Variants in MYH9 observed in about 807,000 individuals in gnomAD.
MYH9 encodes myosin heavy chain 9, also known as myosin-9.
MYH9 carries 29 observed loss-of-function variants against 241.9 expected under a neutral mutation model. The observed-to-expected ratio is 0.12, with a 90% CI of 0.09 to 0.16. The LOEUF is 0.16. MYH9 is among the 10% of genes least tolerant of loss of function. The pLI is 1.00. For missense variants in MYH9, 1,803 were observed against 2,595.5 expected (o/e 0.69, Z 6.63); for synonymous variants, 1,047 against 1,062.6 (o/e 0.99, Z 0.29).
At chr22:36,366,610 G>A (rs538582673) in intron 1 of MYH9, among the ~76,000 whole-genome samples, 13 of 152,272 alleles carry the variant, frequency 8.5e-5, no homozygotes, top group Middle Eastern at 3.4e-3. Flanking sequence ...CATCCCTGCC[G>A]ATGTGCAGGG....
At chr22:36,352,123 A>G (rs2017773660) in intron 1 of MYH9, among the ~76,000 whole-genome samples, 1 of 152,048 alleles carries the variant, frequency 6.6e-6, no homozygotes, top group African/African-American at 2.4e-5. Flanking sequence ...TCCCAGAACA[A>G]TTGTGCCTGG....
Position 36,295,409 on chromosome 22 carries a change from T to C in MYH9, c.3485+96A>G. On this transcript the variant is annotated intron_variant, in intron 26 of 40. Transcript: ENST00000216181. This position sits in a 1 kb window ranked among gnomAD's most constrained non-coding sequence, Gnocchi z 4.1. ...GTGCCTAAGAGGGCCACGGTGTGTG[T>C]GTGTGTGTGTGTGCAGAGGCCCGGG... 1 of 979,694 alleles carries C rather than the reference T, an allele frequency of 1.0e-6. No individual in the cohort carries two copies. The highest frequency in any genetic ancestry group is 1.6e-6 in the Non-Finnish European group (1 of 630,176). 60.7% of individuals were successfully genotyped at this position (979,694 alleles called of 1,614,324 possible). A position where few individuals can be genotyped will look rare whatever the true frequency, so the allele number is the denominator to read the frequency against.
chr22:36,367,815 T>C (rs1197639106), intron 1 of MYH9, among the ~76,000 whole-genome samples: 2 of 152,140 alleles, frequency 1.3e-5, no homozygotes, highest in Non-Finnish European at 2.9e-5. Flanking sequence ...GCTGCCAGAT[T>C]TGGGCCAATG....
rs370860479 is a variant in MYH9 at position 36,305,057 on chromosome 22, G to A, written c.2205C>T (p.Asp735=). 82 of 1,614,096 alleles carry A rather than the reference G, an allele frequency of 5.1e-5. No individual in the cohort carries two copies. Among genetic ancestry groups the A allele is most frequent in the East Asian group, 1.3e-4 (6 of 44,882 alleles). ...CCATGAGCACGCACGCCTGCTTCCC[G>A]TCCATGAAACCCTTGGGAATGGAGT... is the stretch of plus-strand genomic sequence containing the variant. ...TPNSIPKGFM[D]GKQACVLMIK... The change falls in exon 18 of 41, where the codon GAC becomes GAT. Residue 735 remains aspartate, a synonymous_variant. Transcript: ENST00000216181. This position sits in a 1 kb window ranked among gnomAD's most constrained non-coding sequence, Gnocchi z 4.7.
rs727504684 is a variant in MYH9 at position 36,285,697 on chromosome 22, C to G, written c.5235G>C (p.Thr1745=). The change falls in exon 37 of 41, where the codon ACG becomes ACC. Residue 1745 remains threonine (T), a synonymous_variant. Transcript: ENST00000216181. This position sits in a 1 kb window ranked among gnomAD's most constrained non-coding sequence, Gnocchi z 7.0. The part of the protein sequence containing the change: ...EEELEEEQGN[T]ELINDRLKKA... ...TCTTCAGCCGGTCGTTGATCAGCTC[C>G]GTGTTGCCCTGCTCCTCCTCCAGCT... 1 of 1,613,098 alleles carries G rather than the reference C, an allele frequency of 6.2e-7. No homozygotes were observed. Among genetic ancestry groups the G allele is most frequent in the African/African-American group, 1.3e-5 (1 of 75,030 alleles).
intron 2 of MYH9, 67 bp downstream of exon 2, chr22:36,348,837 A>AGCCCCCCCCC: frequency 3.7e-6 from 2 of 539,150 alleles, no homozygotes; most frequent in Non-Finnish European, 5.9e-6. Flanking sequence ...TGATGGGAAG[A>AGCCCCCCCCC]CCCGCCCCCC....
chr22:36,285,546 C>T lies in MYH9; in HGVS notation c.5274+112G>A, dbSNP rs752573962. The T allele has an allele frequency of 8.8e-5, 135 of 1,528,248 alleles. No individual in the cohort carries two copies. The highest frequency in any genetic ancestry group is 1.1e-4 in the Non-Finnish European group (124 of 1,126,110). 94.7% of individuals were successfully genotyped at this position (1,528,248 alleles called of 1,614,324 possible). On this transcript the variant is annotated intron_variant, in intron 37 of 40. Transcript: ENST00000216181. The surrounding 1 kb of genome is among the most constrained non-coding windows in gnomAD (Gnocchi z 7.0). ...AGGTGCCTGGACATTTTCCCCTAAG[C>T]GCCTGGGGAGCAGCTGGCACTTGGC...
At position 36,348,890 on chromosome 22, in the gene MYH9, C is replaced by A. The variant is rs768688000; in HGVS notation, c.333+14G>T. On this transcript the variant is annotated intron_variant, in intron 2 of 40. Coordinates refer to ENST00000216181, the MANE Select transcript of MYH9 (RefSeq NM_002473.6). ...CTCAGACCCAGCCTGCGGGGTGCCA[C>A]GGCAGCCACTTACGTAGATGAGCCC... is the stretch of plus-strand genomic sequence containing the variant. 1.3e-6 allele frequency: 2 copies of A among 1,538,372 alleles called. No individual in the cohort carries two copies. The highest frequency in any genetic ancestry group is 3.4e-5 in the Admixed American group (2 of 58,120).
In MYH9 at chr22:36,288,565, T is replaced by C; in HGVS notation, c.4771-152A>G. The C allele has an allele frequency of 7.4e-7, 1 of 1,350,986 alleles. No homozygotes were observed. The highest frequency in any genetic ancestry group is 1.2e-5 in the South Asian group (1 of 84,850). The allele number at this position is 1,350,986 out of a possible 1,614,324, so 83.7% of individuals were successfully genotyped here. On this transcript the variant is annotated intron_variant, in intron 33 of 40. Transcript: ENST00000216181. The surrounding 1 kb of genome is among the most constrained non-coding windows in gnomAD (Gnocchi z 4.8). ...ACTGACCATAAGAACTCTAAGAAAG[T>C]GAGTCACTGAACCCCGAGACAGGAG...
intron 1 of MYH9, among the ~76,000 whole-genome samples, chr22:36,366,553 G>A (rs1603484421): frequency 6.6e-6 from 1 of 152,198 alleles, no homozygotes; most frequent in Admixed American, 6.5e-5. Flanking sequence ...AGCCTCAGAG[G>A]CTCAGGGAGG....
chr22:36,377,555 A>G (rs2146423266), intron 1 of MYH9, among the ~76,000 whole-genome samples: 1 of 152,320 alleles, frequency 6.6e-6, no homozygotes, highest in Admixed American at 6.5e-5. Flanking sequence ...TTCCTCAGTC[A>G]TCTTAATCAC....
chr22:36,287,820 G>C (rs368197385), intron 34 of MYH9, among the ~76,000 whole-genome samples: 4 of 152,326 alleles, frequency 2.6e-5, no homozygotes, highest in African/African-American at 7.2e-5. Flanking sequence ...CTGTTTTTAC[G>C]TGTTAATTAT....
Position 36,309,275 on chromosome 22 carries a change from G to A in MYH9, c.1843+7C>T, listed in dbSNP as rs768609223. On this transcript the variant is annotated splice_region_variant and intron_variant, in intron 15 of 40. Transcript: ENST00000216181. ...AGGAGGCAGGGGGCGAAGGGCAAAG[G>A]GCGTACCATCCTTCCACAGCTCCGA... 13 of 1,612,170 alleles carry A rather than the reference G, an allele frequency of 8.1e-6. No individual in the cohort carries two copies. In the South Asian group the frequency reaches 1.4e-4, roughly 18 times the overall value.
rs1131691639 is a variant in MYH9 at position 36,293,402 on chromosome 22, A to G, written c.4022T>C (p.Phe1341Ser). The G allele has an allele frequency of 1.2e-6, 2 of 1,613,924 alleles. No homozygotes were observed. Among genetic ancestry groups the G allele is most frequent in the Non-Finnish European group, 1.7e-6 (2 of 1,179,998 alleles). ...CTCCTCCTCCTCCAGCTGCTCCCGG[A>G]AGGAATTCTTCTCGTCCTCCACCTG... ...LKQVEDEKNSFREQLEEEEEA... is the reference protein window; with the variant it reads ...LKQVEDEKNSSREQLEEEEEA... The change falls in exon 30 of 41, where the codon TTC (phenylalanine) becomes TCC (serine). Residue 1341 changes from phenylalanine to serine, a missense_variant. Phe to Ser is a radical substitution (Grantham distance 155). Around this residue, in one of 11 missense-constraint regions of MYH9, gnomAD observed 876 missense variants for 1,077.8 expected, o/e 0.81. Transcript: ENST00000216181. This position sits in a 1 kb window ranked among gnomAD's most constrained non-coding sequence, Gnocchi z 5.1.
Position 36,349,161 on chromosome 22 carries a change from A to C in MYH9, c.76T>G (p.Trp26Gly). 1 of 1,614,230 alleles carries C rather than the reference A, an allele frequency of 6.2e-7. No individual in the cohort carries two copies. The highest frequency in any genetic ancestry group is 8.5e-7 in the Non-Finnish European group (1 of 1,180,012). ...ACCCATACCAGCTTCTTGGCAGCCC[A>C]GTCGGCCTGGGCCAGCGGATTGTTG... ...FINNPLAQAD[W>G]AAKKLVWVPS... Residue 26 changes from tryptophan (W) to glycine (G), a missense_variant, in exon 2 of 41, where the codon TGG (tryptophan) becomes GGG (glycine). By Grantham distance (184) the Trp-to-Gly change is radical. This residue lies in a region of MYH9 where 75 missense variants were observed against 79.1 expected (regional missense o/e 0.95). Transcript: ENST00000216181.
At chr22:36,319,683 G>T (rs2146362600) in intron 9 of MYH9, 48 bp from the exon 10 acceptor site, 2 of 1,575,840 alleles carry the variant, frequency 1.3e-6, no homozygotes, top group South Asian at 1.1e-5. Flanking sequence ...GGGTCATGGT[G>T]ATTCCCGGGG....
chr22:36,373,110 A>G (rs1446938527), intron 1 of MYH9, among the ~76,000 whole-genome samples: 2 of 152,078 alleles, frequency 1.3e-5, no homozygotes, highest in African/African-American at 4.8e-5. Context: ...TCCTCTTTAC[A>G]ACAAAACTAA....
At chr22:36,384,881 A>T (rs2018327843) in intron 1 of MYH9, among the ~76,000 whole-genome samples, 1 of 151,520 alleles carries the variant, frequency 6.6e-6, no homozygotes, top group Non-Finnish European at 1.5e-5. Context: ...CAGCTCTAAG[A>T]GTGGGATTCA....
chr22:36,318,161 C>A, intron 11 of MYH9, 46 bp downstream of exon 11: 1 of 1,529,884 alleles, frequency 6.5e-7, no homozygotes, highest in Non-Finnish European at 9.1e-7. Context: ...GCTGCAGGGA[C>A]ATTCACCCAG....
Sources: allele counts gnomAD v4.1 joint callset (sites outside exome capture counted in the v4.1 genomes callset), GRCh38; gene constraint gnomAD v4.1.1; regional missense constraint gnomAD v4.1.1; non-coding constraint Gnocchi (gnomAD v3.1); transcripts MANE v1.5; gene names NCBI Gene and HGNC (gene_info 2026-07-23, HGNC 2026-07-21).